Variants in NRG2 observed in about 807,000 individuals in gnomAD.
NRG2 encodes the protein neuregulin 2.
A neutral mutation model predicts 73.9 loss-of-function variants in NRG2; 27 were observed. The observed-to-expected ratio is 0.37, with a 90% CI of 0.27 to 0.50. NRG2 has a LOEUF of 0.50. Among genes scored for constraint, NRG2 ranks in the 20% least tolerant of loss-of-function variants. NRG2 has a pLI of 0.96. For missense variants in NRG2, 1,126 were observed against 1,210.1 expected, an observed-to-expected ratio of 0.93 and a Z score of 1.03; for synonymous variants, 532 against 541.0, an observed-to-expected ratio of 0.98 and a Z score of 0.23.
chr5:139,879,092 C>G (rs937426801), intron 3 of NRG2, among the ~76,000 whole-genome samples: 1 of 152,150 alleles, frequency 6.6e-6, no homozygotes, highest in Non-Finnish European at 1.5e-5. Flanking sequence ...TCTCCCTGAG[C>G]TTCTTATTGT....
intron 3 of NRG2, among the ~76,000 whole-genome samples, chr5:139,872,175 T>C (rs1038345913): frequency 6.6e-5 from 10 of 152,184 alleles, no homozygotes; most frequent in Non-Finnish European, 1.0e-4. Context: ...TCCCCTTCCC[T>C]GCCTGGCTTT....
intron 4 of NRG2, chr5:139,871,180 G>A (rs1214148556): frequency 6.5e-6 from 1 of 154,804 alleles, no homozygotes; most frequent in South Asian, 2.0e-4. Context: ...AGATCCTGAG[G>A]TCAGTACTGG....
In NRG2 at chr5:139,848,003, A is replaced by G; in HGVS notation, c.2467T>C (p.Ser823Pro). Residue 823 changes from serine to proline, a missense_variant, in exon 10 of 10, where the codon TCA (serine) becomes CCA (proline). Around this residue, in one of 3 missense-constraint regions of NRG2, gnomAD observed 402 missense variants for 357.8 expected, o/e 1.12. Coordinates refer to ENST00000361474, the MANE Select transcript of NRG2 (RefSeq NM_004883.3). ...CPAADSRTYY[S>P]LDSHSTRASS... ...GCCCGCGTGCTGTGGCTGTCCAGTGAGTAGTAAGTCCTGCTGTCGGCCGCC... is the reference window on the plus strand; with the variant it reads ...GCCCGCGTGCTGTGGCTGTCCAGTGGGTAGTAAGTCCTGCTGTCGGCCGCC... The G allele has an allele frequency of 6.6e-7, 1 of 1,514,444 alleles. No homozygotes were observed. The highest frequency in any genetic ancestry group is 8.8e-7 in the Non-Finnish European group (1 of 1,135,864). The allele number at this position is 1,514,444 out of a possible 1,614,324, so 93.8% of individuals were successfully genotyped here.
chr5:140,036,551 C>T (rs1044827670), intron 1 of NRG2, among the ~76,000 whole-genome samples: 4 of 152,092 alleles, frequency 2.6e-5, no homozygotes, highest in Admixed American at 6.5e-5. Context: ...GCACTTCTAC[C>T]GATTAATTCA....
Position 139,865,225 on chromosome 5 carries a change from G to A in NRG2, c.1189+324C>T, listed in dbSNP as rs745861481. 1.4e-6 allele frequency: 2 copies of A among 1,469,166 alleles called. No homozygotes were observed. The highest frequency in any genetic ancestry group is 1.9e-6 in the Non-Finnish European group (2 of 1,049,164). The allele number at this position is 1,469,166 out of a possible 1,614,324, so 91.0% of individuals were successfully genotyped here. Reference sequence around the variant, plus strand: ...AGAGAGCCAGGATAGCAAGACACAGGCATTGCAACACCCCGGCACGGGCTC... The same window carrying A: ...AGAGAGCCAGGATAGCAAGACACAGACATTGCAACACCCCGGCACGGGCTC... On this transcript the variant is annotated intron_variant, in intron 5 of 9. Coordinates refer to ENST00000361474, the MANE Select transcript of NRG2 (RefSeq NM_004883.3). This position sits in a 1 kb window ranked among gnomAD's most constrained non-coding sequence, Gnocchi z 5.2.
chr5:139,849,755 A>G (rs1224616364), intron 9 of NRG2, among the ~76,000 whole-genome samples: 1 of 151,724 alleles, frequency 6.6e-6, no homozygotes, highest in Non-Finnish European at 1.5e-5. Flanking sequence ...CTGATTAACC[A>G]CCAAGTCCTA....
At chr5:139,948,826 C>T (rs1753984113) in intron 1 of NRG2, among the ~76,000 whole-genome samples, 1 of 152,124 alleles carries the variant, frequency 6.6e-6, no homozygotes, top group Non-Finnish European at 1.5e-5. Context: ...ATGAAGAGAA[C>T]TGGTAGAATC....
chr5:140,018,804 T>G (rs1208748662), intron 1 of NRG2, among the ~76,000 whole-genome samples: 1 of 152,098 alleles, frequency 6.6e-6, no homozygotes, highest in Non-Finnish European at 1.5e-5. Context: ...CTGAGCATGC[T>G]CTCTTTTCAA....
In NRG2 at chr5:139,870,824, C is replaced by T. The variant is rs1762791928; in HGVS notation, c.1112+897G>A. Among the ~76,000 whole-genome samples the T allele has an allele frequency of 6.6e-6, 1 of 152,214 alleles. No homozygotes were observed. Among genetic ancestry groups the T allele is most frequent in the Non-Finnish European group, 1.5e-5 (1 of 68,030 alleles). On this transcript the variant is annotated intron_variant, in intron 4 of 9. Coordinates refer to ENST00000361474, the MANE Select transcript of NRG2 (RefSeq NM_004883.3). The surrounding 1 kb of genome is among the most constrained non-coding windows in gnomAD (Gnocchi z 4.4). ...GAATCTGTCCAGGGGGCACTGTAGG[C>T]CCAGCTGCCCAGAAGATCTGGCTGG... is the stretch of plus-strand genomic sequence containing the variant.
chr5:140,042,968 G>T lies in NRG2; in HGVS notation c.102C>A (p.Ser34Arg). 1 of 1,543,012 alleles carries T rather than the reference G, an allele frequency of 6.5e-7. No individual in the cohort carries two copies. Among genetic ancestry groups the T allele is most frequent in the Non-Finnish European group, 8.7e-7 (1 of 1,144,794 alleles). Residue 34 changes from serine (S) to arginine (R), a missense_variant, in exon 1 of 10, where the codon AGC becomes AGA. This residue lies in a region of NRG2 where 185 missense variants were observed against 149.0 expected (regional missense o/e 1.24). Transcript: ENST00000361474. ...DSSSSSSERS[S>R]SSSSSSSESG... ...TCTCGCTGCTGCTGCTGCTGCTGCT[G>T]CTGCTCCTCTCGCTGCTGCTGCTGC... is the stretch of plus-strand genomic sequence containing the variant.
At chr5:139,921,787 C>T (rs115709855) in intron 1 of NRG2, among the ~76,000 whole-genome samples, 9,200 of 152,120 alleles carry the variant, frequency 0.06, 369 homozygotes, top group Middle Eastern at 0.095. Context: ...CTTGGCCAGG[C>T]GTGGTGGCTC....
chr5:139,939,362 C>T (rs1169068102), intron 1 of NRG2, among the ~76,000 whole-genome samples: 2 of 151,942 alleles, frequency 1.3e-5, no homozygotes, highest in Non-Finnish European at 1.5e-5. Flanking sequence ...GCAACCTCTG[C>T]CTCCTGGGTT....
chr5:139,941,050 A>G (rs929237098), intron 1 of NRG2, among the ~76,000 whole-genome samples: 2 of 152,208 alleles, frequency 1.3e-5, no homozygotes, highest in Non-Finnish European at 2.9e-5. Context: ...AGCATATACA[A>G]AGATCACAAG....
In NRG2 at chr5:139,868,112, G is replaced by T. The variant is rs1264107828; in HGVS notation, c.1113-2487C>A. 1.3e-5 allele frequency among the ~76,000 whole-genome samples: 2 copies of T among 152,138 alleles called. No individual in the cohort carries two copies. The highest frequency in any genetic ancestry group is 4.8e-5 in the African/African-American group (2 of 41,416). ...TCCCCGCTGGCTGAACAAAACAAAA[G>T]GCACTGGGGAGGGGCACAGTGGGGG... On this transcript the variant is annotated intron_variant, in intron 4 of 9. Coordinates refer to ENST00000361474, the MANE Select transcript of NRG2 (RefSeq NM_004883.3). This position sits in a 1 kb window ranked among gnomAD's most constrained non-coding sequence, Gnocchi z 4.2.
intron 1 of NRG2, among the ~76,000 whole-genome samples, chr5:140,038,687 G>A (rs1327587441): frequency 6.6e-6 from 1 of 152,218 alleles, no homozygotes; most frequent in African/African-American, 2.4e-5. Context: ...ACGAAACGCG[G>A]CAGGGCAGGA....
chr5:140,025,042 A>G (rs1760572761), intron 1 of NRG2, among the ~76,000 whole-genome samples: 1 of 152,196 alleles, frequency 6.6e-6, no homozygotes, highest in Non-Finnish European at 1.5e-5. Flanking sequence ...TACAGAAAGC[A>G]GTGGACTGAG....
Position 139,865,470 on chromosome 5 carries a change from C to T in NRG2, c.1189+79G>A, listed in dbSNP as rs1762423575. On this transcript the variant is annotated intron_variant, in intron 5 of 9. Transcript: ENST00000361474. This position sits in a 1 kb window ranked among gnomAD's most constrained non-coding sequence, Gnocchi z 5.2. ...AGATCAAAACAACCAACACCCCTGG[C>T]CCTATGCCCTACATTGGGGGGACTG... 9.8e-7 allele frequency: 1 copy of T among 1,022,876 alleles called. No individual in the cohort carries two copies. Among genetic ancestry groups the T allele is most frequent in the African/African-American group, 1.6e-5 (1 of 62,124 alleles). The allele number at this position is 1,022,876 out of a possible 1,614,324, so 63.4% of individuals were successfully genotyped here. A position where few individuals can be genotyped will look rare whatever the true frequency, so the allele number is the denominator to read the frequency against.
At chr5:139,951,989 T>C (rs1554113018) in intron 1 of NRG2, among the ~76,000 whole-genome samples, 2 of 152,242 alleles carry the variant, frequency 1.3e-5, no homozygotes, top group South Asian at 2.1e-4. Context: ...ATTTAGTTTG[T>C]AGTGAAGCTT....
At chr5:139,877,685 G>C (rs1763269973) in intron 3 of NRG2, among the ~76,000 whole-genome samples, 1 of 152,248 alleles carries the variant, frequency 6.6e-6, no homozygotes, top group Admixed American at 6.5e-5. Flanking sequence ...ATGTGTTTGT[G>C]TGTGTGCGTA....
Sources: gnomAD v4.1 joint callset for allele counts (sites outside exome capture counted in the v4.1 genomes callset) on GRCh38, gnomAD v4.1.1 for gene constraint, gnomAD v4.1.1 regional missense constraint, Gnocchi (gnomAD v3.1) non-coding constraint, MANE v1.5 for transcripts, NCBI Gene and HGNC (gene_info 2026-07-23, HGNC 2026-07-21) for gene names.